The following NIN variants were observed in gnomAD, a reference collection of about 807,000 sequenced individuals.
The protein encoded by NIN is glycogen synthase kinase 3 beta-interacting protein.
In NIN, 137 loss-of-function variants were observed where a neutral mutation model predicts 257.6. The observed-to-expected ratio is 0.53, with a 90% CI of 0.46 to 0.61. The LOEUF is 0.61. Among genes scored for constraint, NIN ranks in the 20% least tolerant of loss-of-function variants. The pLI is 0.00. For missense variants in NIN, 2,439 were observed against 2,501.2 expected (o/e 0.98, Z 0.53); for synonymous variants, 918 against 919.8 (o/e 1.00, Z 0.04).
intron 5 of NIN, among the ~76,000 whole-genome samples, chr14:50,784,326 G>A (rs1791289380): frequency 6.6e-6 from 1 of 152,168 alleles, no homozygotes; most frequent in African/African-American, 2.4e-5. Flanking sequence ...TTAGACTGCA[G>A]AACCATACTC....
chr14:50,741,702 C>G lies in NIN; in HGVS notation c.5328G>C (p.Gln1776His), dbSNP rs373738252. ...TCCGGGACATTTGCAGGTTTACATT[C>G]TGCACGGTGTCTTCTAAATTCTGAA... is the stretch of plus-strand genomic sequence containing the variant. Reference protein sequence around the residue: ...EKVQNLEDTVQNVNLQMSRMK... With the variant: ...EKVQNLEDTVHNVNLQMSRMK... The change falls in exon 25 of 31, where the codon CAG (glutamine) becomes CAC (histidine). Residue 1776 changes from glutamine (Q) to histidine (H), a missense_variant. Physicochemically the swap from Gln to His is conservative, Grantham distance 24. Around this residue, in one of 3 missense-constraint regions of NIN, gnomAD observed 2,043 missense variants for 2,050.2 expected, o/e 1.00. Coordinates refer to ENST00000530997, the MANE Select transcript of NIN (RefSeq NM_020921.4). The G allele has an allele frequency of 2.5e-6, 4 of 1,613,996 alleles. No individual in the cohort carries two copies. The highest frequency in any genetic ancestry group is 3.4e-6 in the Non-Finnish European group (4 of 1,179,974).
chr14:50,737,612 C>G (rs936767220), intron 27 of NIN, among the ~76,000 whole-genome samples: 1 of 141,444 alleles, frequency 7.1e-6, no homozygotes, highest in East Asian at 2.2e-4. Context: ...TAATTGCCTT[C>G]TTTAAGAAGC....
At chr14:50,736,347 G>A (rs1245014605) in intron 27 of NIN, among the ~76,000 whole-genome samples, 1 of 151,710 alleles carries the variant, frequency 6.6e-6, no homozygotes, top group Non-Finnish European at 1.5e-5. Context: ...CCATGTTGAT[G>A]AGACTGGTCT....
At chr14:50,753,200 G>T (rs1226456043) in intron 20 of NIN, among the ~76,000 whole-genome samples, 1 of 152,084 alleles carries the variant, frequency 6.6e-6, no homozygotes, top group Non-Finnish European at 1.5e-5. Flanking sequence ...AGGAGTTCGA[G>T]ACCAGCCTGA....
chr14:50,791,806 C>A (rs1043131461), intron 5 of NIN, among the ~76,000 whole-genome samples: 8 of 112,316 alleles, frequency 7.1e-5, no homozygotes, highest in Non-Finnish European at 1.2e-4. Flanking sequence ...CAGGTGCACG[C>A]GCACACACAC....
intron 4 of NIN, among the ~76,000 whole-genome samples, chr14:50,796,800 C>G (rs1465416347): frequency 6.6e-6 from 1 of 152,158 alleles, no homozygotes; most frequent in African/African-American, 2.4e-5. Context: ...GCCTCCCCTA[C>G]TCCAGGTTTC....
intron 28 of NIN, among the ~76,000 whole-genome samples, chr14:50,734,086 A>ATTTTTTT (rs200910856): frequency 7.2e-6 from 1 of 138,320 alleles, no homozygotes; most frequent in African/African-American, 2.7e-5. Context: ...TTTCTTCTTT[A>ATTTTTTT]TTTTTTTTTT....
intron 3 of NIN, among the ~76,000 whole-genome samples, chr14:50,815,879 T>C (rs1443196327): frequency 6.6e-6 from 1 of 152,006 alleles, no homozygotes; most frequent in African/African-American, 2.4e-5. Context: ...CGTGGTGGCA[T>C]GCACCTGTAA....
At chr14:50,822,325 A>C (rs927041443) in intron 2 of NIN, among the ~76,000 whole-genome samples, 1 of 152,172 alleles carries the variant, frequency 6.6e-6, no homozygotes, top group African/African-American at 2.4e-5. Context: ...GAGCAAAATT[A>C]CCAGAATGAG....
rs759093666 is a variant in NIN at position 50,725,981 on chromosome 14, TGAA to T, written c.6161_6163del (p.Leu2054del). 1.2e-6 allele frequency: 2 copies of T among 1,614,136 alleles called. No homozygotes were observed. Among genetic ancestry groups the T allele is most frequent in the Non-Finnish European group, 1.7e-6 (2 of 1,179,974 alleles). Reference sequence around the variant, plus strand: ...TTCTTTGAGCTGATTCACTTTCTCTTGAAGAAGCCTTTTCACTAGTTTCAGTTT... The same window carrying T: ...TTCTTTGAGCTGATTCACTTTCTCTTGAAGCCTTTTCACTAGTTTCAGTTT... On this transcript the variant is annotated inframe_deletion, in exon 30 of 31. Coordinates refer to ENST00000530997, the MANE Select transcript of NIN (RefSeq NM_020921.4).
intron 28 of NIN, among the ~76,000 whole-genome samples, chr14:50,735,255 C>T (rs1480092915): frequency 6.6e-6 from 1 of 152,102 alleles, no homozygotes; most frequent in Non-Finnish European, 1.5e-5. Flanking sequence ...GTCCCTGCCC[C>T]CTGAATTTGC....
intron 4 of NIN, among the ~76,000 whole-genome samples, chr14:50,802,219 G>A (rs914485215): frequency 6.6e-6 from 1 of 152,126 alleles, no homozygotes; most frequent in African/African-American, 2.4e-5. Flanking sequence ...ATTTACAAAA[G>A]ACTTCCTACA....
intron 29 of NIN, chr14:50,727,236 A>T: frequency 1.1e-6 from 1 of 943,560 alleles, no homozygotes; most frequent in South Asian, 5.0e-5. Context: ...GCAGTCATAT[A>T]CTTAAAATTT....
intron 29 of NIN, chr14:50,726,338 C>A: frequency 2.7e-6 from 1 of 365,890 alleles, no homozygotes; most frequent in East Asian, 4.4e-5. Context: ...TCTGAAAACC[C>A]ATAATTTAAT....
intron 27 of NIN, among the ~76,000 whole-genome samples, 171 bp downstream of exon 27, chr14:50,737,969 T>TTCAA (rs1278713304): frequency 6.6e-6 from 1 of 152,200 alleles, no homozygotes; most frequent in African/African-American, 2.4e-5. Flanking sequence ...TCAACCATTA[T>TTCAA]TCAATCAAAA....
chr14:50,735,450 C>T lies in NIN; in HGVS notation c.5877+66G>A. 5.8e-6 allele frequency: 9 copies of T among 1,564,444 alleles called. No homozygotes were observed. In the South Asian group the frequency reaches 1.1e-4, roughly 19 times the overall value. ...ATTCAATGCCATGTCTAGTCTCTCCCAACAAATACCTCATTCATGGATTAA... is the reference window on the plus strand; with the variant it reads ...ATTCAATGCCATGTCTAGTCTCTCCTAACAAATACCTCATTCATGGATTAA... On this transcript the variant is annotated intron_variant, in intron 28 of 30. Transcript: ENST00000530997.
chr14:50,810,184 T>C (rs1475315901), intron 3 of NIN, among the ~76,000 whole-genome samples: 2 of 150,088 alleles, frequency 1.3e-5, no homozygotes, highest in Non-Finnish European at 3.0e-5. Flanking sequence ...TGAATGAAGA[T>C]TGGGCCACTG....
rs375970893 is a variant in NIN, at chr14:50,720,547, C to G, written c.*2916G>C. On this transcript the variant is annotated 3_prime_UTR_variant, in exon 31 of 31. Transcript: ENST00000530997. ...CCTATGCCTTGGAAGCCTATGACTT[C>G]ATGATCTATTCATGAAAAATATGCC... 4.8e-6 allele frequency: 1 copy of G among 208,844 alleles called. No individual in the cohort carries two copies. Among genetic ancestry groups the G allele is most frequent in the Non-Finnish European group, 9.8e-6 (1 of 102,224 alleles). 12.9% of individuals were successfully genotyped at this position (208,844 alleles called of 1,614,324 possible).
chr14:50,803,286 G>A (rs1178767894), intron 4 of NIN, among the ~76,000 whole-genome samples: 3 of 152,198 alleles, frequency 2.0e-5, no homozygotes, highest in African/African-American at 7.2e-5. Flanking sequence ...CTGGGAGGCG[G>A]AGGTTGCAGT....
Sources: gnomAD v4.1 joint callset for allele counts (sites outside exome capture counted in the v4.1 genomes callset) on GRCh38, gnomAD v4.1.1 for gene constraint, gnomAD v4.1.1 regional missense constraint, MANE v1.5 for transcripts, NCBI Gene and HGNC (gene_info 2026-07-23, HGNC 2026-07-21) for gene names.